Variants in CACNG2 observed in about 807,000 individuals in gnomAD.
The protein encoded by CACNG2 is voltage-dependent calcium channel gamma-2 subunit.
Under a neutral mutation model 25.9 loss-of-function variants are expected in CACNG2, and 3 were observed. That is an observed-to-expected ratio of 0.12 (90% CI 0.05 to 0.30). CACNG2 has a LOEUF of 0.30. Among genes scored for constraint, CACNG2 ranks in the 10% least tolerant of loss-of-function variants. The pLI is 1.00. For missense variants in CACNG2, 341 were observed against 432.5 expected (o/e 0.79, Z 1.88); for synonymous variants, 167 against 173.3 (o/e 0.96, Z 0.29).
intron 1 of CACNG2, among the ~76,000 whole-genome samples, chr22:36,602,165 G>A (rs2145932636): frequency 6.6e-6 from 1 of 152,092 alleles, no homozygotes; most frequent in Admixed American, 6.5e-5. Flanking sequence ...TTTAAATTGT[G>A]TTATACATTT....
chr22:36,693,427 C>T (rs1202010716), intron 1 of CACNG2, among the ~76,000 whole-genome samples: 2 of 152,146 alleles, frequency 1.3e-5, no homozygotes, highest in African/African-American at 4.8e-5. Context: ...CTGGTCACTG[C>T]AACCACCTTC....
chr22:36,568,473 C>T (rs1016376113), intron 2 of CACNG2, among the ~76,000 whole-genome samples: 2 of 150,738 alleles, frequency 1.3e-5, no homozygotes, highest in African/African-American at 4.9e-5. Flanking sequence ...GGTGTGATCT[C>T]GGCTCACTGC....
At chr22:36,595,601 T>G (rs1404660820) in intron 1 of CACNG2, among the ~76,000 whole-genome samples, 2 of 151,034 alleles carry the variant, frequency 1.3e-5, no homozygotes, top group South Asian at 2.1e-4. Flanking sequence ...GAGGGCTGGG[T>G]GGGTGAGGGT....
At chr22:36,669,798 C>T (rs546117099) in intron 1 of CACNG2, among the ~76,000 whole-genome samples, 107 of 152,134 alleles carry the variant, frequency 7.0e-4, no homozygotes, top group Non-Finnish European at 3.8e-4. Context: ...CTGCAACCTC[C>T]GCCTCCCGGG....
intron 1 of CACNG2, among the ~76,000 whole-genome samples, chr22:36,666,885 T>G (rs1936882285): frequency 6.6e-6 from 1 of 152,030 alleles, no homozygotes; most frequent in African/African-American, 2.4e-5. Flanking sequence ...CCACTTCCCC[T>G]GCCAGCACGT....
chr22:36,609,212 C>G (rs1330946253), intron 1 of CACNG2, among the ~76,000 whole-genome samples: 1 of 141,974 alleles, frequency 7.0e-6, no homozygotes, highest in Non-Finnish European at 1.5e-5. Context: ...GGAATCAGCA[C>G]CCCCAGAGCG....
intron 1 of CACNG2, among the ~76,000 whole-genome samples, chr22:36,687,164 G>C (rs921042755): frequency 3.9e-5 from 6 of 152,202 alleles, no homozygotes; most frequent in African/African-American, 1.2e-4. Context: ...AGGACCCACT[G>C]TGGGGATGAT....
intron 1 of CACNG2, among the ~76,000 whole-genome samples, chr22:36,636,667 C>A (rs1428753193): frequency 1.3e-5 from 2 of 152,244 alleles, no homozygotes; most frequent in Admixed American, 6.5e-5. Context: ...CCCCGTGGAA[C>A]TTCTCGTTTA....
intron 1 of CACNG2, among the ~76,000 whole-genome samples, chr22:36,619,388 A>C (rs1936072681): frequency 6.6e-6 from 1 of 152,248 alleles, no homozygotes; most frequent in African/African-American, 2.4e-5. Flanking sequence ...AATTGTCAAA[A>C]TTACCAAGGA....
At chr22:36,600,476 T>C (rs1394767507) in intron 1 of CACNG2, among the ~76,000 whole-genome samples, 1 of 151,276 alleles carries the variant, frequency 6.6e-6, no homozygotes, top group African/African-American at 2.4e-5. Flanking sequence ...GGAAACTTTA[T>C]AGCCAAGCCT....
chr22:36,596,600 G>A (rs539321245), intron 1 of CACNG2, among the ~76,000 whole-genome samples: 13 of 152,150 alleles, frequency 8.5e-5, no homozygotes, highest in Non-Finnish European at 1.8e-4. Flanking sequence ...GATGAAGTAA[G>A]TGGTCTGTCC....
chr22:36,643,242 TTC>T (rs1453652881), intron 1 of CACNG2, among the ~76,000 whole-genome samples: 1 of 149,976 alleles, frequency 6.7e-6, no homozygotes, highest in African/African-American at 2.5e-5. Context: ...CTTTTTGTCT[TTC>T]TCTTCTTTCT....
intron 1 of CACNG2, among the ~76,000 whole-genome samples, chr22:36,694,504 G>A (rs1937307988): frequency 6.6e-6 from 1 of 152,186 alleles, no homozygotes; most frequent in Non-Finnish European, 1.5e-5. Context: ...AAAAAATCTG[G>A]TGTTATAACT....
At chr22:36,633,721 G>A (rs1475204540) in intron 1 of CACNG2, among the ~76,000 whole-genome samples, 1 of 152,240 alleles carries the variant, frequency 6.6e-6, no homozygotes, top group Non-Finnish European at 1.5e-5. Context: ...ATCTGAATAT[G>A]TCAAGTTTAT....
rs1389618438 is a variant in CACNG2, at chr22:36,563,640, G to A, written c.*711C>T. ...AGGGCTCGGTCACCTGGAGGCCTACGATTGCCCCATCAATGCTGGGCGGAG... is the reference window on the plus strand; with the variant it reads ...AGGGCTCGGTCACCTGGAGGCCTACAATTGCCCCATCAATGCTGGGCGGAG... On this transcript the variant is annotated 3_prime_UTR_variant, in exon 4 of 4. Coordinates refer to ENST00000300105, the MANE Select transcript of CACNG2 (RefSeq NM_006078.5). Among the ~76,000 whole-genome samples, 1 of 151,960 alleles carries A rather than the reference G, an allele frequency of 6.6e-6. No homozygotes were observed. The highest frequency in any genetic ancestry group is 1.5e-5 in the Non-Finnish European group (1 of 67,950).
intron 1 of CACNG2, among the ~76,000 whole-genome samples, chr22:36,689,141 G>A (rs1937238315): frequency 6.6e-6 from 1 of 152,048 alleles, no homozygotes; most frequent in Non-Finnish European, 1.5e-5. Flanking sequence ...CCTTCATCAA[G>A]TCCCTGAGCT....
rs927964642 is a variant in CACNG2 at position 36,563,122 on chromosome 22, T to A, written c.*1229A>T. On this transcript the variant is annotated 3_prime_UTR_variant, in exon 4 of 4. Transcript: ENST00000300105. ...ATTTATTTATAGTCTGTGGTTTTTT[T>A]ATTAAAAAAAAATCACCACTTGTTT... 2.0e-5 allele frequency among the ~76,000 whole-genome samples: 3 copies of A among 152,126 alleles called. No individual in the cohort carries two copies. The highest frequency in any genetic ancestry group is 2.9e-5 in the Non-Finnish European group (2 of 68,010).
At chr22:36,619,006 T>C (rs1383120454) in intron 1 of CACNG2, among the ~76,000 whole-genome samples, 1 of 152,234 alleles carries the variant, frequency 6.6e-6, no homozygotes, top group Non-Finnish European at 1.5e-5. Flanking sequence ...AATTAACTTT[T>C]AGGGAGTGCC....
chr22:36,616,999 G>T (rs1936031355), intron 1 of CACNG2, among the ~76,000 whole-genome samples: 1 of 152,174 alleles, frequency 6.6e-6, no homozygotes, highest in Non-Finnish European at 1.5e-5. Context: ...AAGTTATGGT[G>T]CATGTGGGTG....
Sources: gnomAD v4.1 joint callset for allele counts (sites outside exome capture counted in the v4.1 genomes callset) on GRCh38, gnomAD v4.1.1 for gene constraint, MANE v1.5 for transcripts, NCBI Gene and HGNC (gene_info 2026-07-23, HGNC 2026-07-21) for gene names.